ZFHX3: variants seen among roughly 807,000 people sequenced by gnomAD.
ZFHX3 encodes zinc finger homeobox protein 3.
ZFHX3 carries 42 observed loss-of-function variants against 279.1 expected under a neutral mutation model. That is an observed-to-expected ratio of 0.15 (90% CI 0.12 to 0.19). The LOEUF (loss-of-function observed/expected upper bound fraction) is 0.19. Among genes scored for constraint, ZFHX3 ranks in the 10% least tolerant of loss-of-function variants. The probability of loss-of-function intolerance (pLI) is 1.00; values close to 1 mark genes in which losing one functional copy is unlikely to be tolerated. For missense variants in ZFHX3, 4,981 were observed against 4,754.0 expected, an observed-to-expected ratio of 1.05 and a Z score of -1.40; for synonymous variants, 2,293 against 1,957.8, an observed-to-expected ratio of 1.17 and a Z score of -4.52.
At chr16:73,033,212 C>G (rs1964771791) in intron 1 of ZFHX3, among the ~76,000 whole-genome samples, 1 of 152,148 alleles carries the variant, frequency 6.6e-6, no homozygotes, top group African/African-American at 2.4e-5. Flanking sequence ...CCAGCACCCC[C>G]ACATAACCCA....
chr16:73,836,668 C>G (rs555008975), intron 1 of ZFHX3, among the ~76,000 whole-genome samples: 2 of 152,354 alleles, frequency 1.3e-5, no homozygotes, highest in South Asian at 2.1e-4. Flanking sequence ...GCTCACCAAT[C>G]TCTCTTTTCC....
chr16:72,837,473 GATTTTTTTTT>G (rs971622837), intron 4 of ZFHX3, among the ~76,000 whole-genome samples: 1 of 141,800 alleles, frequency 7.1e-6, no homozygotes, highest in African/African-American at 2.6e-5. Context: ...CTCCAATGAT[GATTTTTTTTT>G]TTTTTTTTTT....
intron 8 of ZFHX3, among the ~76,000 whole-genome samples, chr16:72,799,447 A>AAACTCTTCCCAAATTAG (rs1210956643): frequency 2.0e-5 from 3 of 152,228 alleles, no homozygotes; most frequent in South Asian, 4.1e-4. Flanking sequence ...TAGTGTGGCC[A>AAACTCTTCCCAAATTAG]AACTCTTCCC....
chr16:73,734,908 T>C (rs907468054), intron 1 of ZFHX3, among the ~76,000 whole-genome samples: 1 of 152,206 alleles, frequency 6.6e-6, no homozygotes, highest in African/African-American at 2.4e-5. Context: ...CTTAGTTTGC[T>C]GCAATACACA....
intron 1 of ZFHX3, among the ~76,000 whole-genome samples, chr16:73,730,407 A>G (rs1234868509): frequency 6.6e-6 from 1 of 152,022 alleles, no homozygotes; most frequent in East Asian, 1.9e-4. Context: ...AAAAGAAAAG[A>G]AAAGACAAGA....
chr16:72,887,416 TAATA>T (rs2144058084), intron 4 of ZFHX3, among the ~76,000 whole-genome samples: 1 of 152,346 alleles, frequency 6.6e-6, no homozygotes, highest in South Asian at 2.1e-4. Flanking sequence ...CAGCTGCGAT[TAATA>T]TTTATAGTTA....
At chr16:73,469,600 T>C (rs1471684120) in intron 2 of ZFHX3, among the ~76,000 whole-genome samples, 1 of 151,842 alleles carries the variant, frequency 6.6e-6, no homozygotes, top group Admixed American at 6.6e-5. Context: ...TCCTGGTACC[T>C]AGTCCCAACC....
intron 6 of ZFHX3, among the ~76,000 whole-genome samples, chr16:73,132,064 T>C (rs1051180244): frequency 6.6e-6 from 1 of 152,056 alleles, no homozygotes; most frequent in Non-Finnish European, 1.5e-5. Flanking sequence ...GGTGGGAAGA[T>C]TGCTTGAGGC....
chr16:73,386,202 C>CTCTG (rs2016899788), intron 3 of ZFHX3, among the ~76,000 whole-genome samples: 1 of 151,662 alleles, frequency 6.6e-6, no homozygotes. Flanking sequence ...CCGTCTCTGT[C>CTCTG]TCTCTCTCTC....
intron 1 of ZFHX3, among the ~76,000 whole-genome samples, chr16:73,849,987 C>T (rs1319048700): frequency 6.6e-6 from 1 of 152,178 alleles, no homozygotes; most frequent in Admixed American, 6.5e-5. Context: ...CTCACTTTGG[C>T]CTCCCAAAGT....
At chr16:73,817,549 A>G (rs569464473) in intron 1 of ZFHX3, among the ~76,000 whole-genome samples, 1 of 152,304 alleles carries the variant, frequency 6.6e-6, no homozygotes, top group South Asian at 2.1e-4. Context: ...GAGATTGGGA[A>G]GTTCAAGTCA....
intron 1 of ZFHX3, among the ~76,000 whole-genome samples, chr16:73,777,070 C>T (rs893615950): frequency 6.6e-6 from 1 of 152,180 alleles, no homozygotes; most frequent in South Asian, 2.1e-4. Context: ...AGCATCACCA[C>T]GCTTTGTAAG....
intron 2 of ZFHX3, among the ~76,000 whole-genome samples, chr16:73,456,512 T>C (rs542801914): frequency 6.6e-6 from 1 of 152,310 alleles, no homozygotes; most frequent in South Asian, 2.1e-4. Flanking sequence ...TGAATGTTAC[T>C]TTCTTTACAC....
At chr16:73,555,668 T>TA (rs2020267780) in intron 2 of ZFHX3, among the ~76,000 whole-genome samples, 1 of 151,434 alleles carries the variant, frequency 6.6e-6, no homozygotes, top group African/African-American at 2.4e-5. Context: ...CCATCTCTAC[T>TA]AAAAATATAA....
At chr16:73,140,603 C>T (rs1008224429) in intron 6 of ZFHX3, among the ~76,000 whole-genome samples, 2 of 152,190 alleles carry the variant, frequency 1.3e-5, no homozygotes, top group African/African-American at 2.4e-5. Context: ...CACTTGTAAT[C>T]CCAGCACTTT....
chr16:73,231,921 T>C (rs769951875), intron 5 of ZFHX3: 1 of 152,200 alleles, frequency 6.6e-6, no homozygotes, highest in Non-Finnish European at 1.5e-5. Context: ...CTTCTATTTT[T>C]TTTTCTATCT....
chr16:73,590,302 T>G (rs972394763), intron 2 of ZFHX3, among the ~76,000 whole-genome samples: 1 of 152,234 alleles, frequency 6.6e-6, no homozygotes, highest in South Asian at 2.1e-4. Context: ...GTGTCTCTAA[T>G]TATTCTTTCC....
chr16:73,795,567 AC>A (rs1365486608), intron 1 of ZFHX3, among the ~76,000 whole-genome samples: 1 of 152,094 alleles, frequency 6.6e-6, no homozygotes, highest in African/African-American at 2.4e-5. Flanking sequence ...TGAATAGAGA[AC>A]CTTTCTATCT....
intron 2 of ZFHX3, among the ~76,000 whole-genome samples, chr16:73,586,676 T>A (rs12716818): frequency 0.6 from 91,162 of 151,878 alleles, 27,892 homozygotes; most frequent in East Asian, 0.89. Flanking sequence ...ATCAACTGTC[T>A]TTGATGAAGG....
Sources: gnomAD v4.1 joint callset for allele counts (sites outside exome capture counted in the v4.1 genomes callset) on GRCh38, gnomAD v4.1.1 for gene constraint, MANE v1.5 for transcripts, NCBI Gene and HGNC (gene_info 2026-07-23, HGNC 2026-07-21) for gene names.